ZNF296: variants seen among roughly 807,000 people sequenced by gnomAD.
ZNF296 encodes the protein zinc finger protein 342.
Under a neutral mutation model 13.2 loss-of-function variants are expected in ZNF296, and 1 was observed. That is an observed-to-expected ratio of 0.08 (90% CI 0.03 to 0.36). The LOEUF (loss-of-function observed/expected upper bound fraction) is 0.36, where lower values mean the gene tolerates loss of function less well. ZNF296 is among the 10% of genes least tolerant of loss of function. ZNF296 has a pLI of 0.99. For missense variants in ZNF296, 555 were observed against 688.2 expected, an observed-to-expected ratio of 0.81 and a Z score of 2.16; for synonymous variants, 303 against 289.0, an observed-to-expected ratio of 1.05 and a Z score of -0.49.
At chr19:45,072,671 T>C in intron 2 of ZNF296, 91 bp from the exon 3 acceptor site, 1 of 1,459,806 alleles carries the variant, frequency 6.9e-7, no homozygotes, top group South Asian at 1.4e-5. Context: ...GCAAAGGACT[T>C]GGCAGTAACA....
chr19:45,071,763 G>T lies in ZNF296; in HGVS notation c.1266C>A (p.Ala422=). 6.2e-7 allele frequency: 1 copy of T among 1,613,084 alleles called. No homozygotes were observed. Among genetic ancestry groups the T allele is most frequent in the Non-Finnish European group, 8.5e-7 (1 of 1,179,708 alleles). ...GGTTGAGCTTACTGCTCTGGGCGCA[G>T]GCGTAGTTGCAGAACTCACAGGTGT... The part of the protein sequence containing the change: ...RPYTCEFCNY[A]CAQSSKLNRH... Residue 422 remains alanine (A), a synonymous_variant, in exon 3 of 3, where the codon GCC becomes GCA. Transcript: ENST00000303809.
rs932167168 is a variant in ZNF296, at chr19:45,075,448, G to A, written c.448+265C>T. ...CCAGGTTGGGGTGTGTGTTGGGGGG[G>A]GCAAAATCCCGGGCTAGTCTTCTGG... On this transcript the variant is annotated intron_variant, in intron 2 of 2. Coordinates refer to ENST00000303809, the MANE Select transcript of ZNF296 (RefSeq NM_145288.3). 1.4e-4 allele frequency among the ~76,000 whole-genome samples: 21 copies of A among 152,154 alleles called. No homozygotes were observed. In the East Asian group the frequency reaches 1.5e-3, roughly 11 times the overall value.
chr19:45,074,645 T>G (rs1967311946), intron 2 of ZNF296, among the ~76,000 whole-genome samples: 1 of 152,106 alleles, frequency 6.6e-6, no homozygotes, highest in Non-Finnish European at 1.5e-5. Context: ...GCTCCCTAAT[T>G]GTGTGACCTT....
Position 45,071,785 on chromosome 19 carries a change from G to T in ZNF296, c.1244C>A (p.Thr415Asn). The change falls in exon 3 of 3, where the codon ACC becomes AAC. Residue 415 changes from threonine (T) to asparagine (N), a missense_variant. Physicochemically the swap from Thr to Asn is moderately conservative, Grantham distance 65. Coordinates refer to ENST00000303809, the MANE Select transcript of ZNF296 (RefSeq NM_145288.3). ...GCAGGCGTAGTTGCAGAACTCACAG[G>T]TGTAGGGGCGCTCCCCGGTGTGTGA... is the stretch of plus-strand genomic sequence containing the variant. ...RRSHTGERPYTCEFCNYACAQ... is the reference protein window; with the variant it reads ...RRSHTGERPYNCEFCNYACAQ... 2 of 1,613,484 alleles carry T rather than the reference G, an allele frequency of 1.2e-6. No individual in the cohort carries two copies. Among genetic ancestry groups the T allele is most frequent in the African/African-American group, 1.3e-5 (1 of 75,040 alleles).
chr19:45,071,908 A>G lies in ZNF296; in HGVS notation c.1121T>C (p.Met374Thr). The G allele has an allele frequency of 6.2e-7, 1 of 1,613,546 alleles. No individual in the cohort carries two copies. Among genetic ancestry groups the G allele is most frequent in the Non-Finnish European group, 8.5e-7 (1 of 1,179,998 alleles). The stretch of plus-strand genomic sequence containing the variant: ...GCGGCTCTTGCCCCCTGACTTGGGC[A>G]TCTTTTTGGGTGATGCCTTCTGGCT... ...ANSQKASPKKMPKSGGKSRGP... is the reference protein window; with the variant it reads ...ANSQKASPKKTPKSGGKSRGP... The change falls in exon 3 of 3, where the codon ATG (methionine) becomes ACG (threonine). Residue 374 changes from methionine (M) to threonine (T), a missense_variant. Met to Thr is a moderately conservative substitution (Grantham distance 81). Around this residue, in one of 3 missense-constraint regions of ZNF296, gnomAD observed 410 missense variants for 548.0 expected, o/e 0.75. Transcript: ENST00000303809.
Position 45,071,509 on chromosome 19 carries a change from G to A in ZNF296, c.*92C>T, listed in dbSNP as rs887857118. 1.3e-6 allele frequency: 2 copies of A among 1,483,778 alleles called. No individual in the cohort carries two copies. The highest frequency in any genetic ancestry group is 1.8e-6 in the Non-Finnish European group (2 of 1,122,488). 91.9% of individuals were successfully genotyped at this position (1,483,778 alleles called of 1,614,324 possible). A position where few individuals can be genotyped will look rare whatever the true frequency, so the allele number is the denominator to read the frequency against. ...AGAGTCCAGACGGGTGTAAATAAAA[G>A]GGAAAATTTACTTGGAGAAGGCGGG... On this transcript the variant is annotated 3_prime_UTR_variant, in exon 3 of 3. Coordinates refer to ENST00000303809, the MANE Select transcript of ZNF296 (RefSeq NM_145288.3).
At chr19:45,075,008 A>G (rs2122635486) in intron 2 of ZNF296, among the ~76,000 whole-genome samples, 1 of 152,336 alleles carries the variant, frequency 6.6e-6, no homozygotes, top group East Asian at 1.9e-4. Flanking sequence ...CAGAAGGGCA[A>G]GGGCCAGGGG....
chr19:45,075,081 A>T (rs73560287), intron 2 of ZNF296, among the ~76,000 whole-genome samples: 3,355 of 152,312 alleles, frequency 0.022, 128 homozygotes, highest in African/African-American at 0.076. Context: ...ACCGAGGGTC[A>T]AGCCCCATGT....
chr19:45,072,536 G>GAT lies in ZNF296; in HGVS notation c.492_493insAT (p.Gln165IlefsTer238), dbSNP rs1407171858. On this transcript the variant is annotated frameshift_variant, in exon 3 of 3. Transcript: ENST00000303809. LOFTEE classifies it low-confidence loss of function (END_TRUNC). ...AGCAGCTTCCAGGCCACTGTGAACT[G>GAT]TTTGCCACAGCGCAGGCAGCTCAAG... 6.2e-7 allele frequency: 1 copy of GAT among 1,613,022 alleles called. No homozygotes were observed. Among genetic ancestry groups the GAT allele is most frequent in the Non-Finnish European group, 8.5e-7 (1 of 1,179,588 alleles).
At chr19:45,075,448 G>C (rs932167168) in intron 2 of ZNF296, among the ~76,000 whole-genome samples, 10 of 152,272 alleles carry the variant, frequency 6.6e-5, no homozygotes, top group Admixed American at 3.9e-4. Flanking sequence ...TGTTGGGGGG[G>C]GCAAAATCCC....
Position 45,071,954 on chromosome 19 carries a change from G to C in ZNF296, c.1075C>G (p.Gln359Glu). ...TGGCTGTTTGCAGGGTCAGTTCTTT[G>C]TTCCGTGGTGATGGCTCCCCAAGTG... ...GDTWGAITTE[Q>E]RTDPANSQKA... Residue 359 changes from glutamine (Q) to glutamate (E), a missense_variant, in exon 3 of 3, where the codon CAA becomes GAA. This residue lies in a region of ZNF296 where 410 missense variants were observed against 548.0 expected (regional missense o/e 0.75). Coordinates refer to ENST00000303809, the MANE Select transcript of ZNF296 (RefSeq NM_145288.3). 3 of 1,613,696 alleles carry C rather than the reference G, an allele frequency of 1.9e-6. No individual in the cohort carries two copies. The highest frequency in any genetic ancestry group is 2.5e-6 in the Non-Finnish European group (3 of 1,180,028).
At position 45,076,464 on chromosome 19, in the gene ZNF296, C is replaced by G; in HGVS notation, c.-91G>C. ...GCGGAGGACGCGCGGACCGTGCGCGCTCAGGTGAGTGACTGCGGCGACCCG... is the reference window on the plus strand; with the variant it reads ...GCGGAGGACGCGCGGACCGTGCGCGGTCAGGTGAGTGACTGCGGCGACCCG... On this transcript the variant is annotated 5_prime_UTR_variant, in exon 1 of 3. Coordinates refer to ENST00000303809, the MANE Select transcript of ZNF296 (RefSeq NM_145288.3). This position sits in a 1 kb window ranked among gnomAD's most constrained non-coding sequence, Gnocchi z 4.9. 1 of 999,174 alleles carries G rather than the reference C, an allele frequency of 1.0e-6. No individual in the cohort carries two copies. The highest frequency in any genetic ancestry group is 4.9e-5 in the South Asian group (1 of 20,366). 61.9% of individuals were successfully genotyped at this position (999,174 alleles called of 1,614,324 possible). A position where few individuals can be genotyped will look rare whatever the true frequency, so the allele number is the denominator to read the frequency against.
chr19:45,074,911 T>C (rs1478375739), intron 2 of ZNF296, among the ~76,000 whole-genome samples: 2 of 152,126 alleles, frequency 1.3e-5, no homozygotes, highest in African/African-American at 4.8e-5. Context: ...GCTCTAAAGC[T>C]GATTCAATCA....
At chr19:45,075,158 C>G (rs1967321224) in intron 2 of ZNF296, among the ~76,000 whole-genome samples, 1 of 152,230 alleles carries the variant, frequency 6.6e-6, no homozygotes, top group African/African-American at 2.4e-5. Flanking sequence ...TCGCTCAAAC[C>G]AGGGGATTCC....
Position 45,071,667 on chromosome 19 carries a change from G to T in ZNF296, c.1362C>A (p.Phe454Leu). The change falls in exon 3 of 3, where the codon TTC becomes TTA. Residue 454 changes from phenylalanine to leucine, a missense_variant. By Grantham distance (22) the Phe-to-Leu change is conservative. Transcript: ENST00000303809. ...GTTTGTCCAGGGTGGCTCGCAGGCC[G>T]AAGGGCACATGGCAGTGGGGGCACT... ...RFECPHCHVP[F>L]GLRATLDKHL... 6.4e-7 allele frequency: 1 copy of T among 1,559,332 alleles called. No homozygotes were observed.
At position 45,072,012 on chromosome 19, in the gene ZNF296, A is replaced by G. The variant is rs1967264558; in HGVS notation, c.1017T>C (p.Pro339=). 9 of 1,613,168 alleles carry G rather than the reference A, an allele frequency of 5.6e-6. No homozygotes were observed. Among genetic ancestry groups the G allele is most frequent in the Non-Finnish European group, 7.6e-6 (9 of 1,179,996 alleles). Residue 339 remains proline, a synonymous_variant, in exon 3 of 3, where the codon CCT becomes CCC. Transcript: ENST00000303809. The part of the protein sequence containing the change: ...ATAGVQEPGA[P]GSGAQAGPGG... ...CAGGGCCGGCTTGAGCCCCACTGCCAGGAGCCCCGGGTTCCTGGACACCTG... is the reference window on the plus strand; with the variant it reads ...CAGGGCCGGCTTGAGCCCCACTGCCGGGAGCCCCGGGTTCCTGGACACCTG...
At position 45,076,240 on chromosome 19, in the gene ZNF296, G is replaced by A. The variant is rs368614638; in HGVS notation, c.134C>T (p.Ala45Val). Residue 45 changes from alanine (A) to valine (V), a missense_variant, in exon 1 of 3, where the codon GCC becomes GTC. This residue lies in a region of ZNF296 where 137 missense variants were observed against 121.9 expected (regional missense o/e 1.12). Transcript: ENST00000303809. The surrounding 1 kb of genome is among the most constrained non-coding windows in gnomAD (Gnocchi z 4.9). ...CGGGGAGAAGGGCCCCAGCCTTGGG[G>A]CCTGTTGGGGCTGCGCGTCTGGCTC... ...KPEPDAQPQQ[A>V]PRLGPFSPKE... 1.3e-6 allele frequency: 2 copies of A among 1,506,118 alleles called. No homozygotes were observed. Among genetic ancestry groups the A allele is most frequent in the South Asian group, 1.3e-5 (1 of 76,116 alleles). The allele number at this position is 1,506,118 out of a possible 1,614,324, so 93.3% of individuals were successfully genotyped here.
chr19:45,072,127 G>A lies in ZNF296; in HGVS notation c.902C>T (p.Ala301Val), dbSNP rs142135795. The change falls in exon 3 of 3, where the codon GCA becomes GTA. Residue 301 changes from alanine (A) to valine (V), a missense_variant. Coordinates refer to ENST00000303809, the MANE Select transcript of ZNF296 (RefSeq NM_145288.3). ...ATGGACAGCCGGCTCCGGAGGGGCTGCAGAGGCCTGCTCCTGGCTGGTGTC... is the reference window on the plus strand; with the variant it reads ...ATGGACAGCCGGCTCCGGAGGGGCTACAGAGGCCTGCTCCTGGCTGGTGTC... Reference protein sequence around the residue: ...MADTSQEQASAAPPEPAVHAA... With the variant: ...MADTSQEQASVAPPEPAVHAA... 1.1e-5 allele frequency: 17 copies of A among 1,605,940 alleles called. No individual in the cohort carries two copies. The highest frequency in any genetic ancestry group is 1.4e-5 in the Non-Finnish European group (17 of 1,175,770).
rs1967356074 is a variant in ZNF296 at position 45,076,433 on chromosome 19, G to T, written c.-60C>A. ...GCAGGCAGGCGGGCGGGCGGAGGAC[G>T]CACGAGCGGAGGACGCGCGGACCGT... On this transcript the variant is annotated 5_prime_UTR_variant, in exon 1 of 3. Transcript: ENST00000303809. This position sits in a 1 kb window ranked among gnomAD's most constrained non-coding sequence, Gnocchi z 4.9. 8.5e-7 allele frequency: 1 copy of T among 1,175,188 alleles called. No individual in the cohort carries two copies. The highest frequency in any genetic ancestry group is 1.1e-6 in the Non-Finnish European group (1 of 939,688). 72.8% of individuals were successfully genotyped at this position (1,175,188 alleles called of 1,614,324 possible). A position where few individuals can be genotyped will look rare whatever the true frequency, so the allele number is the denominator to read the frequency against.
Sources: gnomAD v4.1 joint callset for allele counts (sites outside exome capture counted in the v4.1 genomes callset) on GRCh38, gnomAD v4.1.1 for gene constraint, gnomAD v4.1.1 regional missense constraint, Gnocchi (gnomAD v3.1) non-coding constraint, MANE v1.5 for transcripts, NCBI Gene and HGNC (gene_info 2026-07-23, HGNC 2026-07-21) for gene names.